Variants in SMAD2 observed in about 807,000 individuals in gnomAD.
SMAD2 encodes SMAD family member 2, also known as MAD homolog 2.
Under a neutral mutation model 64.4 loss-of-function variants are expected in SMAD2, and 8 were observed. The observed-to-expected ratio is 0.12, with a 90% CI of 0.07 to 0.22. SMAD2 has a LOEUF of 0.22. Among genes scored for constraint, SMAD2 ranks in the 10% least tolerant of loss-of-function variants. The probability of loss-of-function intolerance (pLI) is 1.00; values close to 1 mark genes in which losing one functional copy is unlikely to be tolerated. For missense variants in SMAD2, 289 were observed against 561.2 expected, an observed-to-expected ratio of 0.51 and a Z score of 4.90; for synonymous variants, 203 against 195.8, an observed-to-expected ratio of 1.04 and a Z score of -0.31.
intron 1 of SMAD2, among the ~76,000 whole-genome samples, chr18:47,927,881 A>G (rs900316370): frequency 1.3e-5 from 2 of 152,234 alleles, no homozygotes; most frequent in Admixed American, 6.5e-5. Context: ...CCTGGGCAAC[A>G]AGAGTGAACT....
intron 1 of SMAD2, among the ~76,000 whole-genome samples, chr18:47,904,399 A>G (rs2033821393): frequency 6.6e-6 from 1 of 151,862 alleles, no homozygotes; most frequent in African/African-American, 2.4e-5. Flanking sequence ...TTACTTGCCC[A>G]TCTCCCACAC....
At chr18:47,849,891 C>T (rs144834850) in intron 7 of SMAD2, among the ~76,000 whole-genome samples, 2,580 of 151,444 alleles carry the variant, frequency 0.017, 66 homozygotes, top group African/African-American at 0.058. Flanking sequence ...ACCTGTAGTC[C>T]CAGCTACTCA....
rs1293706707 is a variant in SMAD2, at chr18:47,880,565, T to C, written c.237-10001A>G. On this transcript the variant is annotated intron_variant, in intron 2 of 10. Coordinates refer to ENST00000262160, the MANE Select transcript of SMAD2 (RefSeq NM_005901.6). ...TAATTTAAGTACTCTAACTTATTAC[T>C]GAGTTTTCCAATTCACAAGTGTATC... 7.9e-5 allele frequency among the ~76,000 whole-genome samples: 12 copies of C among 152,354 alleles called. No homozygotes were observed. In the East Asian group the frequency reaches 2.3e-3, roughly 29 times the overall value.
rs895772621 is a variant in SMAD2 at position 47,824,681 on chromosome 18, G to A, written c.*17146C>T. 24 of 152,010 alleles carry A rather than the reference G, an allele frequency of 1.6e-4. No homozygotes were observed. Among genetic ancestry groups the A allele is most frequent in the African/African-American group, 5.6e-4 (23 of 41,370 alleles). The allele number at this position is 152,010 out of a possible 1,614,324, so 9.4% of individuals were successfully genotyped here. On this transcript the variant is annotated 3_prime_UTR_variant, in exon 11 of 11. Coordinates refer to ENST00000262160, the MANE Select transcript of SMAD2 (RefSeq NM_005901.6). ...TGTATACTTTTATTTGGGGATATCT[G>A]CTTCCAAACACACTAAAGTACAGTA... is the stretch of plus-strand genomic sequence containing the variant.
rs950842107 is a variant in SMAD2 at position 47,882,042 on chromosome 18, T to G, written c.237-11478A>C. Among the ~76,000 whole-genome samples, 3 of 48,302 alleles carry G rather than the reference T, an allele frequency of 6.2e-5. No homozygotes were observed. The East Asian group carries it at 2.8e-3, about 45-fold the overall frequency. The allele number at this position is 48,302 out of a possible 152,430, so 31.7% of individuals were successfully genotyped here. A position where few individuals can be genotyped will look rare whatever the true frequency, so the allele number is the denominator to read the frequency against. ...ACAGGAATGTACTACCACGCTTGGCTTTTTTTTTTTTTTTTTTTTTTTTTT... is the reference window on the plus strand; with the variant it reads ...ACAGGAATGTACTACCACGCTTGGCGTTTTTTTTTTTTTTTTTTTTTTTTT... On this transcript the variant is annotated intron_variant, in intron 2 of 10. Transcript: ENST00000262160.
At chr18:47,883,282 T>C (rs1304555932) in intron 2 of SMAD2, among the ~76,000 whole-genome samples, 1 of 152,240 alleles carries the variant, frequency 6.6e-6, no homozygotes, top group Non-Finnish European at 1.5e-5. Flanking sequence ...AGTCAGAATT[T>C]TAAGGTTTAA....
rs1008734230 is a variant in SMAD2 at position 47,896,902 on chromosome 18, T to C, written c.-53-93A>G. 1.7e-5 allele frequency: 20 copies of C among 1,198,162 alleles called. No homozygotes were observed. The African/African-American group carries it at 1.8e-4, about 11-fold the overall frequency. 74.2% of individuals were successfully genotyped at this position (1,198,162 alleles called of 1,614,324 possible). ...ATAGAAAGCAAACTGCAAAGCAAGA[T>C]AGAAATTCGAATTATGACTTTCCCA... On this transcript the variant is annotated intron_variant, in intron 1 of 10. Transcript: ENST00000262160.
In SMAD2 at chr18:47,813,590, T is replaced by A. The variant is rs1382423194; in HGVS notation, c.*28237A>T. The A allele has an allele frequency of 3.3e-5, 5 of 151,794 alleles. No individual in the cohort carries two copies. Among genetic ancestry groups the A allele is most frequent in the African/African-American group, 9.7e-5 (4 of 41,232 alleles). The allele number at this position is 151,794 out of a possible 1,614,324, so 9.4% of individuals were successfully genotyped here. ...CCCGGCTAATTTTCTGCATTTTTAG[T>A]ACAGATGGGGTTTCACTATGTTGGC... On this transcript the variant is annotated 3_prime_UTR_variant, in exon 11 of 11. Coordinates refer to ENST00000262160, the MANE Select transcript of SMAD2 (RefSeq NM_005901.6).
chr18:47,848,704 T>A lies in SMAD2; in HGVS notation c.785-17A>T, dbSNP rs372218727. The A allele has an allele frequency of 5.2e-6, 8 of 1,548,550 alleles. No individual in the cohort carries two copies. In the African/African-American group the frequency reaches 6.9e-5, roughly 13 times the overall value. On this transcript the variant is annotated splice_polypyrimidine_tract_variant and intron_variant, in intron 7 of 10. Coordinates refer to ENST00000262160, the MANE Select transcript of SMAD2 (RefSeq NM_005901.6). Reference sequence around the variant, plus strand: ...GCTGTAAATCTGAAAAAGAAAAAAATAAAAAAATAATAAAAGGAAGAAATG... The same window carrying A: ...GCTGTAAATCTGAAAAAGAAAAAAAAAAAAAAATAATAAAAGGAAGAAATG...
intron 1 of SMAD2, among the ~76,000 whole-genome samples, chr18:47,900,101 T>C (rs1360658724): frequency 6.6e-6 from 1 of 152,162 alleles, no homozygotes; most frequent in Non-Finnish European, 1.5e-5. Flanking sequence ...GAGCTACATA[T>C]GTACTTTAAG....
intron 2 of SMAD2, among the ~76,000 whole-genome samples, chr18:47,882,040 G>GTTTTTTTTTT (rs1568078973): frequency 2.7e-5 from 1 of 37,320 alleles, no homozygotes; most frequent in South Asian, 1.1e-3. Flanking sequence ...ACCACGCTTG[G>GTTTTTTTTTT]CTTTTTTTTT....
At position 47,834,041 on chromosome 18, in the gene SMAD2, CT is replaced by C. The variant is rs1439510025; in HGVS notation, c.*7785del. ...ACTAAGTGTGAGTCTCACCACCATA[CT>C]GGTACCTTCAGCTATTACCTGTGTT... On this transcript the variant is annotated 3_prime_UTR_variant, in exon 11 of 11. Transcript: ENST00000262160. 4.5e-6 allele frequency: 1 copy of C among 220,550 alleles called. No homozygotes were observed. Among genetic ancestry groups the C allele is most frequent in the African/African-American group, 2.3e-5 (1 of 44,424 alleles). 13.7% of individuals were successfully genotyped at this position (220,550 alleles called of 1,614,324 possible). A position where few individuals can be genotyped will look rare whatever the true frequency, so the allele number is the denominator to read the frequency against.
In SMAD2 at chr18:47,819,836, G is replaced by A. The variant is rs192237392; in HGVS notation, c.*21991C>T. On this transcript the variant is annotated 3_prime_UTR_variant, in exon 11 of 11. Transcript: ENST00000262160. ...AAAAAGAATTGGATGGATTATAAACGGGATAAGCAAGGGTGAGACATGGTG... is the reference window on the plus strand; with the variant it reads ...AAAAAGAATTGGATGGATTATAAACAGGATAAGCAAGGGTGAGACATGGTG... The A allele has an allele frequency of 4.1e-5, 6 of 145,784 alleles. No homozygotes were observed. Among genetic ancestry groups the A allele is most frequent in the South Asian group, 2.2e-4 (1 of 4,518 alleles). The allele number at this position is 145,784 out of a possible 1,614,324, so 9.0% of individuals were successfully genotyped here.
chr18:47,927,072 T>G (rs1047901870), intron 1 of SMAD2, among the ~76,000 whole-genome samples: 6 of 152,214 alleles, frequency 3.9e-5, no homozygotes, highest in Non-Finnish European at 7.3e-5. Flanking sequence ...TTTAACTAAC[T>G]TTTTACACTA....
Position 47,850,744 on chromosome 18 carries a change from TTA to T in SMAD2, c.784+528_784+529del, listed in dbSNP as rs1337291367. Among the ~76,000 whole-genome samples the T allele has an allele frequency of 1.5e-4, 3 of 20,372 alleles. 1 individual carries two copies. The highest frequency in any genetic ancestry group is 3.6e-4 in the African/African-American group (2 of 5,566). The allele number at this position is 20,372 out of a possible 152,430, so 13.4% of individuals were successfully genotyped here. A position where few individuals can be genotyped will look rare whatever the true frequency, so the allele number is the denominator to read the frequency against. On this transcript the variant is annotated intron_variant, in intron 7 of 10. Coordinates refer to ENST00000262160, the MANE Select transcript of SMAD2 (RefSeq NM_005901.6). The stretch of plus-strand genomic sequence containing the variant: ...TTATATATATTATGTATAATATATA[TTA>T]TATATTATATATATATTATATACAT...
chr18:47,921,389 T>C (rs562041489), intron 1 of SMAD2, among the ~76,000 whole-genome samples: 3 of 152,348 alleles, frequency 2.0e-5, no homozygotes, highest in Admixed American at 6.5e-5. Context: ...AAGGCAACTG[T>C]ATGGCAAAGA....
In SMAD2 at chr18:47,818,991, G is replaced by C. The variant is rs921720374; in HGVS notation, c.*22836C>G. ...TTTGTGTATGTGTATGTTTAGGTGT[G>C]TTTACACATATGTATATATATGTTG... is the stretch of plus-strand genomic sequence containing the variant. On this transcript the variant is annotated 3_prime_UTR_variant, in exon 11 of 11. Coordinates refer to ENST00000262160, the MANE Select transcript of SMAD2 (RefSeq NM_005901.6). The C allele has an allele frequency of 1.3e-5, 2 of 152,210 alleles. No homozygotes were observed. The highest frequency in any genetic ancestry group is 2.9e-5 in the Non-Finnish European group (2 of 68,048). 9.4% of individuals were successfully genotyped at this position (152,210 alleles called of 1,614,324 possible). A position where few individuals can be genotyped will look rare whatever the true frequency, so the allele number is the denominator to read the frequency against.
At chr18:47,880,305 ATTTTG>A (rs2032511951) in intron 2 of SMAD2, among the ~76,000 whole-genome samples, 1 of 152,156 alleles carries the variant, frequency 6.6e-6, no homozygotes, top group African/African-American at 2.4e-5. Flanking sequence ...ATCCAGAAAT[ATTTTG>A]TTTTCACTGG....
At chr18:47,871,642 T>A (rs2144388601) in intron 2 of SMAD2, among the ~76,000 whole-genome samples, 1 of 152,286 alleles carries the variant, frequency 6.6e-6, no homozygotes, top group South Asian at 2.1e-4. Flanking sequence ...TTTTCCAGCA[T>A]CTCATTCAAG....
Sources: gnomAD v4.1 joint callset for allele counts (sites outside exome capture counted in the v4.1 genomes callset) on GRCh38, gnomAD v4.1.1 for gene constraint, MANE v1.5 for transcripts, NCBI Gene and HGNC (gene_info 2026-07-23, HGNC 2026-07-21) for gene names.